CHP1: variants seen among roughly 807,000 people sequenced by gnomAD.
CHP1 encodes the protein calcineurin B homologous protein 1.
Under a neutral mutation model 27.4 loss-of-function variants are expected in CHP1, and 11 were observed. That is an observed-to-expected ratio of 0.40 (90% CI 0.25 to 0.67). CHP1 has a LOEUF of 0.67. Ranked by LOEUF, CHP1 falls within the 30% of genes least tolerant of loss-of-function variation. The pLI is 0.38. For synonymous variants in CHP1, 89 were observed against 87.4 expected (o/e 1.02, Z -0.10); for missense variants, 169 against 251.3 (o/e 0.67, Z 2.22).
intron 2 of CHP1, among the ~76,000 whole-genome samples, chr15:41,250,180 T>G (rs1567006437): frequency 2.0e-5 from 3 of 152,110 alleles, no homozygotes; most frequent in Non-Finnish European, 2.9e-5. Context: ...ATTACTAGAT[T>G]TCACCACATC....
chr15:41,244,054 T>C (rs1317283275), intron 2 of CHP1, among the ~76,000 whole-genome samples: 1 of 151,594 alleles, frequency 6.6e-6, no homozygotes, highest in Non-Finnish European at 1.5e-5. Flanking sequence ...AAAAATTAGC[T>C]CAGTGTGGTG....
At chr15:41,243,635 C>T (rs774108570) in intron 1 of CHP1, 32 bp from the exon 2 acceptor site, 80 of 1,603,620 alleles carry the variant, frequency 5.0e-5, no homozygotes, top group East Asian at 2.2e-5. Flanking sequence ...GGGCTACTTC[C>T]CCCGAGCTGG....
intron 2 of CHP1, among the ~76,000 whole-genome samples, chr15:41,253,967 T>A (rs951252836): frequency 4.1e-5 from 6 of 145,872 alleles, no homozygotes; most frequent in Non-Finnish European, 7.5e-5. Flanking sequence ...TTTTTTTTTT[T>A]AAACTTTTTA....
chr15:41,237,794 C>T (rs549847845), intron 1 of CHP1, among the ~76,000 whole-genome samples: 1 of 152,114 alleles, frequency 6.6e-6, no homozygotes, highest in East Asian at 1.9e-4. Flanking sequence ...TGGTGCAATC[C>T]CGCCTCCCGG....
In CHP1 at chr15:41,261,368, G is replaced by T. The variant is rs193147431; in HGVS notation, c.222-1388G>T. ...GACAGGGTTTTACCATGTTGGTCAG[G>T]CTGGTCTCAACTCCTGGCCTCAAGT... On this transcript the variant is annotated intron_variant, in intron 3 of 6. Transcript: ENST00000334660. Among the ~76,000 whole-genome samples the T allele has an allele frequency of 4.6e-5, 7 of 151,762 alleles. No homozygotes were observed. In the East Asian group the frequency reaches 1.4e-3, roughly 30 times the overall value.
chr15:41,259,829 C>T (rs1485719790), intron 3 of CHP1, among the ~76,000 whole-genome samples: 5 of 152,030 alleles, frequency 3.3e-5, no homozygotes, highest in African/African-American at 7.2e-5. Flanking sequence ...CTTGGCTCAC[C>T]GCAACCTCTG....
At chr15:41,237,364 T>G (rs574397115) in intron 1 of CHP1, among the ~76,000 whole-genome samples, 1 of 152,190 alleles carries the variant, frequency 6.6e-6, no homozygotes, top group Non-Finnish European at 1.5e-5. Context: ...GCCAGGCTGG[T>G]CTCGAACTCC....
chr15:41,247,498 C>T (rs998074593), intron 2 of CHP1, among the ~76,000 whole-genome samples: 4 of 150,340 alleles, frequency 2.7e-5, no homozygotes, highest in Admixed American at 6.7e-5. Context: ...GGTAAAACCC[C>T]GTCTCTACTA....
Position 41,257,002 on chromosome 15 carries a change from C to T in CHP1, c.221+12C>T, listed in dbSNP as rs1210311110. 2.5e-6 allele frequency: 4 copies of T among 1,605,692 alleles called. No individual in the cohort carries two copies. Among genetic ancestry groups the T allele is most frequent in the Middle Eastern group, 1.7e-4 (1 of 6,036 alleles). ...TTCTTTCCAGAGGGGTGAGTCAGTA[C>T]AGTTGTTGGACTTCCTTCCTGAGGC... is the stretch of plus-strand genomic sequence containing the variant. On this transcript the variant is annotated intron_variant, in intron 3 of 6. Coordinates refer to ENST00000334660, the MANE Select transcript of CHP1 (RefSeq NM_007236.5).
At chr15:41,253,469 ATTTT>A (rs1244839583) in intron 2 of CHP1, among the ~76,000 whole-genome samples, 1 of 128,136 alleles carries the variant, frequency 7.8e-6, no homozygotes, top group Non-Finnish European at 1.7e-5. Context: ...TTATTTATTT[ATTTT>A]GAGACGGAGT....
intron 4 of CHP1, among the ~76,000 whole-genome samples, chr15:41,263,813 T>A (rs757518958): frequency 7.2e-5 from 11 of 152,176 alleles, no homozygotes; most frequent in Non-Finnish European, 1.5e-4. Flanking sequence ...AGGTTGAGGC[T>A]GCAATGAACC....
intron 1 of CHP1, among the ~76,000 whole-genome samples, chr15:41,237,611 A>G (rs1315424778): frequency 6.6e-6 from 1 of 152,236 alleles, no homozygotes; most frequent in Non-Finnish European, 1.5e-5. Context: ...CGGGAAGCGC[A>G]GGCTTCAACT....
At chr15:41,241,569 G>T (rs959601326) in intron 1 of CHP1, among the ~76,000 whole-genome samples, 1 of 152,208 alleles carries the variant, frequency 6.6e-6, no homozygotes, top group Non-Finnish European at 1.5e-5. Flanking sequence ...TGTCCGGCTG[G>T]CAAAACAGTC....
intron 2 of CHP1, among the ~76,000 whole-genome samples, chr15:41,254,118 T>A (rs760031257): frequency 6.6e-6 from 1 of 152,244 alleles, no homozygotes; most frequent in South Asian, 2.1e-4. Context: ...TTTAATACTT[T>A]TAGCAATACT....
At chr15:41,276,558 G>C (rs1205066693) in intron 5 of CHP1, among the ~76,000 whole-genome samples, 1 of 152,152 alleles carries the variant, frequency 6.6e-6, no homozygotes, top group Non-Finnish European at 1.5e-5. Context: ...AGAATTCCCA[G>C]GGGCCCAAGG....
At chr15:41,257,425 G>A (rs905401412) in intron 3 of CHP1, among the ~76,000 whole-genome samples, 19 of 151,700 alleles carry the variant, frequency 1.3e-4, no homozygotes, top group Middle Eastern at 3.4e-3. Flanking sequence ...AGCCACATAC[G>A]TAATTTTACA....
intron 4 of CHP1, among the ~76,000 whole-genome samples, chr15:41,266,449 C>T (rs2140939139): frequency 6.6e-6 from 1 of 151,836 alleles, no homozygotes; most frequent in East Asian, 1.9e-4. Flanking sequence ...TTTTCCTTCC[C>T]ACATTCTAAT....
chr15:41,248,315 A>AT (rs1218010886), intron 2 of CHP1, among the ~76,000 whole-genome samples: 12 of 151,628 alleles, frequency 7.9e-5, no homozygotes, highest in Admixed American at 7.9e-4. Flanking sequence ...TGCCTGGCTA[A>AT]TTTTTTTTTC....
intron 2 of CHP1, 75 bp downstream of exon 2, chr15:41,243,814 C>T: frequency 7.8e-7 from 1 of 1,284,192 alleles, no homozygotes; most frequent in Non-Finnish European, 1.1e-6. Context: ...CTGCCTTTAT[C>T]CCTAGGGTAG....
Sources: gnomAD v4.1 joint callset for allele counts (sites outside exome capture counted in the v4.1 genomes callset) on GRCh38, gnomAD v4.1.1 for gene constraint, MANE v1.5 for transcripts, NCBI Gene and HGNC (gene_info 2026-07-23, HGNC 2026-07-21) for gene names.